Variants in TBCK observed in about 807,000 individuals in gnomAD.
The protein encoded by TBCK is TBC domain-containing protein kinase-like protein.
TBCK carries 99 observed loss-of-function variants against 113.4 expected under a neutral mutation model. The observed-to-expected ratio is 0.87, with a 90% confidence interval of 0.74 to 1.03. The LOEUF is 1.03. Ranked by LOEUF, TBCK falls within the 50% of genes least tolerant of loss-of-function variation. TBCK has a pLI of 0.00. For missense variants in TBCK, 1,045 were observed against 1,061.3 expected (o/e 0.98, Z 0.21); for synonymous variants, 369 against 370.8 (o/e 1.00, Z 0.05).
chr4:106,252,590 A>C (rs1419183151), intron 5 of TBCK, among the ~76,000 whole-genome samples: 1 of 152,094 alleles, frequency 6.6e-6, no homozygotes, highest in African/African-American at 2.4e-5. Context: ...CTTTAAAAAC[A>C]CAAGTATAGA....
intron 25 of TBCK, among the ~76,000 whole-genome samples, chr4:106,085,073 CAG>C (rs1739344238): frequency 6.6e-6 from 1 of 152,132 alleles, no homozygotes; most frequent in Non-Finnish European, 1.5e-5. Flanking sequence ...ATCATGATGA[CAG>C]GATCAAATTC....
At chr4:106,171,909 C>A (rs2149741016) in intron 22 of TBCK, among the ~76,000 whole-genome samples, 1 of 152,174 alleles carries the variant, frequency 6.6e-6, no homozygotes, top group Non-Finnish European at 1.5e-5. Context: ...CGGCTCACTG[C>A]AACCTTGGCC....
chr4:106,089,276 C>G (rs1193055065), intron 25 of TBCK, among the ~76,000 whole-genome samples: 1 of 152,006 alleles, frequency 6.6e-6, no homozygotes, highest in Non-Finnish European at 1.5e-5. Context: ...ATTAGCAGAG[C>G]AAGAACTCAC....
At chr4:106,267,262 G>C (rs1209950434) in intron 3 of TBCK, among the ~76,000 whole-genome samples, 1 of 151,826 alleles carries the variant, frequency 6.6e-6, no homozygotes, top group African/African-American at 2.4e-5. Flanking sequence ...ATACAGATAA[G>C]ACCAAAAGGT....
At chr4:106,132,162 A>G (rs1375428625) in intron 23 of TBCK, among the ~76,000 whole-genome samples, 1 of 152,176 alleles carries the variant, frequency 6.6e-6, no homozygotes, top group Non-Finnish European at 1.5e-5. Flanking sequence ...CACCAAGACA[A>G]TGGGGAAAAT....
chr4:106,099,028 C>T (rs1741251092), intron 24 of TBCK, among the ~76,000 whole-genome samples: 1 of 152,018 alleles, frequency 6.6e-6, no homozygotes, highest in South Asian at 2.1e-4. Context: ...TGTATATTAT[C>T]TTCTAGGTTT....
intron 20 of TBCK, among the ~76,000 whole-genome samples, chr4:106,211,291 A>C (rs1036878444): frequency 1.3e-5 from 2 of 152,090 alleles, no homozygotes; most frequent in African/African-American, 4.8e-5. Flanking sequence ...ATAAGATTGG[A>C]TCTATATTGT....
chr4:106,143,668 A>T (rs1239358116), intron 23 of TBCK, among the ~76,000 whole-genome samples: 1 of 152,174 alleles, frequency 6.6e-6, no homozygotes, highest in Non-Finnish European at 1.5e-5. Flanking sequence ...TAATCCCAGC[A>T]CTTTGGGAGG....
chr4:106,068,991 G>C, intron 25 of TBCK, among the ~76,000 whole-genome samples: 1 of 22,722 alleles, frequency 4.4e-5, no homozygotes, highest in East Asian at 1.0e-3. Context: ...TGATGGGGTT[G>C]TTTGATTTTT....
At chr4:106,052,994 G>GA (rs913447290) in intron 25 of TBCK, among the ~76,000 whole-genome samples, 1 of 151,466 alleles carries the variant, frequency 6.6e-6, no homozygotes, top group Non-Finnish European at 1.5e-5. Flanking sequence ...ATCACACCTA[G>GA]AAAAAAGCCC....
intron 2 of TBCK, among the ~76,000 whole-genome samples, chr4:106,308,306 A>G (rs1227781768): frequency 6.6e-6 from 1 of 152,228 alleles, no homozygotes; most frequent in African/African-American, 2.4e-5. Flanking sequence ...ATAGAAAATA[A>G]TAAAATGTGA....
intron 22 of TBCK, among the ~76,000 whole-genome samples, chr4:106,173,970 A>G (rs1471782956): frequency 1.3e-5 from 2 of 152,096 alleles, no homozygotes; most frequent in East Asian, 1.9e-4. Flanking sequence ...TCTGGGTAAA[A>G]TAACTTCTCT....
intron 22 of TBCK, among the ~76,000 whole-genome samples, chr4:106,179,326 G>A (rs1476726124): frequency 6.6e-6 from 1 of 151,824 alleles, no homozygotes. Flanking sequence ...GAGGTGCATT[G>A]TTAAGTTCTT....
At chr4:106,149,275 T>A (rs997223059) in intron 23 of TBCK, among the ~76,000 whole-genome samples, 1 of 152,238 alleles carries the variant, frequency 6.6e-6, no homozygotes, top group Non-Finnish European at 1.5e-5. Flanking sequence ...GTAGCATTTT[T>A]AATTTCCTTT....
intron 25 of TBCK, among the ~76,000 whole-genome samples, chr4:106,053,488 T>G (rs1471369906): frequency 6.6e-6 from 1 of 151,828 alleles, no homozygotes; most frequent in East Asian, 1.9e-4. Context: ...CTTCACTAGC[T>G]GTGCCTTCTC....
At chr4:106,076,632 C>T (rs1738225849) in intron 25 of TBCK, among the ~76,000 whole-genome samples, 1 of 152,092 alleles carries the variant, frequency 6.6e-6, no homozygotes, top group African/African-American at 2.4e-5. Context: ...CGGCGGGTCA[C>T]TTACAAAGGG....
At chr4:106,221,635 T>C in intron 19 of TBCK, among the ~76,000 whole-genome samples, 1 of 152,062 alleles carries the variant, frequency 6.6e-6, no homozygotes, top group East Asian at 1.9e-4. Context: ...TATATGCCTT[T>C]TGATTTGCAA....
intron 22 of TBCK, among the ~76,000 whole-genome samples, chr4:106,190,039 C>T (rs1413296240): frequency 2.0e-5 from 3 of 152,134 alleles, no homozygotes; most frequent in South Asian, 2.1e-4. Context: ...TTTTAAACTC[C>T]TATTGTTTTC....
intron 2 of TBCK, among the ~76,000 whole-genome samples, chr4:106,306,848 T>C (rs758112005): frequency 6.6e-6 from 1 of 152,230 alleles, no homozygotes; most frequent in Non-Finnish European, 1.5e-5. Flanking sequence ...AGGCATTTAC[T>C]AATATTTGCA....
Sources: gnomAD v4.1 joint callset for allele counts (sites outside exome capture counted in the v4.1 genomes callset) on GRCh38, gnomAD v4.1.1 for gene constraint, MANE v1.5 for transcripts, NCBI Gene and HGNC (gene_info 2026-07-23, HGNC 2026-07-21) for gene names.